Variants in TIMP2 observed in about 807,000 individuals in gnomAD.
TIMP2 encodes the protein TIMP metallopeptidase inhibitor 2, also known as metalloproteinase inhibitor 2.
TIMP2 carries 5 observed loss-of-function variants against 24.3 expected under a neutral mutation model. The ratio of observed to expected loss-of-function variants is 0.21; its 90% CI spans 0.11 to 0.43. The LOEUF (loss-of-function observed/expected upper bound fraction) is 0.43. TIMP2 is among the 20% of genes least tolerant of loss of function. The pLI is 1.00. For synonymous variants in TIMP2, 130 were observed against 123.2 expected (o/e 1.06, Z -0.37); for missense variants, 221 against 297.5 (o/e 0.74, Z 1.89).
chr17:78,858,380 T>C (rs1445237858), intron 3 of TIMP2, among the ~76,000 whole-genome samples: 1 of 151,628 alleles, frequency 6.6e-6, no homozygotes, highest in Non-Finnish European at 1.5e-5. Flanking sequence ...GAGGCGGAGG[T>C]TGCAGTGAGC....
Position 78,857,535 on chromosome 17 carries a change from C to T in TIMP2, c.452G>A (p.Gly151Asp). ...GGACCTGCTTACCTTGCACTCGCAG[C>T]CCATCTGGTACCTGTGGTTCAGGCT... is the stretch of plus-strand genomic sequence containing the variant. ...KKSLNHRYQM[G>D]CECKITRCPM... The change falls in exon 4 of 5, where the codon GGC becomes GAC. Residue 151 changes from glycine (G) to aspartate (D), a missense_variant. Gly to Asp is a moderately conservative substitution (Grantham distance 94, BLOSUM62 -1). Coordinates refer to ENST00000262768, the MANE Select transcript of TIMP2 (RefSeq NM_003255.5). The T allele has an allele frequency of 6.2e-7, 1 of 1,614,152 alleles. No homozygotes were observed. Among genetic ancestry groups the T allele is most frequent in the South Asian group, 1.1e-5 (1 of 91,078 alleles).
intron 3 of TIMP2, among the ~76,000 whole-genome samples, chr17:78,870,456 G>A (rs1011173308): frequency 6.7e-6 from 1 of 149,406 alleles, no homozygotes; most frequent in African/African-American, 2.5e-5. Flanking sequence ...AAAGAAAATG[G>A]TTAATTAACA....
chr17:78,869,158 C>G (rs927396505), intron 3 of TIMP2, among the ~76,000 whole-genome samples: 2 of 152,172 alleles, frequency 1.3e-5, no homozygotes, highest in East Asian at 1.9e-4. Context: ...CAGTGGCTCA[C>G]GCCTATAATC....
At chr17:78,915,398 G>A (rs1055123343) in intron 1 of TIMP2, among the ~76,000 whole-genome samples, 3 of 152,082 alleles carry the variant, frequency 2.0e-5, no homozygotes, top group Non-Finnish European at 2.9e-5. Context: ...GGCTCCATCC[G>A]TCACCTGTAG....
chr17:78,905,005 T>C (rs1238807582), intron 1 of TIMP2: 1 of 152,184 alleles, frequency 6.6e-6, no homozygotes, highest in Non-Finnish European at 1.5e-5. Flanking sequence ...CCGGGCGTGG[T>C]GGCGCACACC....
intron 1 of TIMP2, among the ~76,000 whole-genome samples, chr17:78,885,271 G>A (rs191864503): frequency 1.3e-5 from 2 of 152,354 alleles, no homozygotes; most frequent in Admixed American, 1.3e-4. Flanking sequence ...CACGGAATCT[G>A]TCCCCCAAGG....
Position 78,925,373 on chromosome 17 carries a change from A to G in TIMP2, c.-285T>C, listed in dbSNP as rs1303785414. ...GTTCTCGGCGGCCGCGCTGCCTTCTACGGATGTGTTTGCTGCGGGCTTGGG... is the reference window on the plus strand; with the variant it reads ...GTTCTCGGCGGCCGCGCTGCCTTCTGCGGATGTGTTTGCTGCGGGCTTGGG... On this transcript the variant is annotated 5_prime_UTR_variant, in exon 1 of 5. Coordinates refer to ENST00000262768, the MANE Select transcript of TIMP2 (RefSeq NM_003255.5). 2 of 151,980 alleles carry G rather than the reference A, an allele frequency of 1.3e-5. No individual in the cohort carries two copies. Among genetic ancestry groups the G allele is most frequent in the Non-Finnish European group, 3.0e-5 (2 of 67,618 alleles). 9.4% of individuals were successfully genotyped at this position (151,980 alleles called of 1,614,324 possible). A position where few individuals can be genotyped will look rare whatever the true frequency, so the allele number is the denominator to read the frequency against.
At chr17:78,857,758 C>A in intron 3 of TIMP2, 112 bp from the exon 4 acceptor site, 4 of 1,406,622 alleles carry the variant, frequency 2.8e-6, no homozygotes, top group Non-Finnish European at 3.9e-6. Context: ...ATCCTGTGCA[C>A]TGTCTATTCT....
chr17:78,855,085 GC>G lies in TIMP2; in HGVS notation c.*581del, dbSNP rs956221071. On this transcript the variant is annotated 3_prime_UTR_variant, in exon 5 of 5. Coordinates refer to ENST00000262768, the MANE Select transcript of TIMP2 (RefSeq NM_003255.5). The surrounding 1 kb of genome is among the most constrained non-coding windows in gnomAD (Gnocchi z 6.0). Reference sequence around the variant, plus strand: ...ATTGATGGGGCTCCTTCAAGAACTAGCCACTGGTTCCAGGCTGCCCTTGGAT... The same window carrying G: ...ATTGATGGGGCTCCTTCAAGAACTAGCACTGGTTCCAGGCTGCCCTTGGAT... 2 of 157,222 alleles carry G rather than the reference GC, an allele frequency of 1.3e-5. No individual in the cohort carries two copies. Among genetic ancestry groups the G allele is most frequent in the African/African-American group, 4.8e-5 (2 of 41,474 alleles). 9.7% of individuals were successfully genotyped at this position (157,222 alleles called of 1,614,324 possible). A position where few individuals can be genotyped will look rare whatever the true frequency, so the allele number is the denominator to read the frequency against.
In TIMP2 at chr17:78,853,046, G is replaced by A. The variant is rs562678952; in HGVS notation, c.*2621C>T. The A allele has an allele frequency of 2.2e-3, 340 of 152,722 alleles. 2 individuals are homozygous for A. The highest frequency in any genetic ancestry group is 3.1e-3 in the Non-Finnish European group (214 of 68,040). 9.5% of individuals were successfully genotyped at this position (152,722 alleles called of 1,614,324 possible). Reference sequence around the variant, plus strand: ...CTCAAGAATGATACAAAGCATCAGAGACATGCGCAGTCTGCTTGTCAACTT... The same window carrying A: ...CTCAAGAATGATACAAAGCATCAGAAACATGCGCAGTCTGCTTGTCAACTT... On this transcript the variant is annotated 3_prime_UTR_variant, in exon 5 of 5. Transcript: ENST00000262768.
At chr17:78,897,956 T>C (rs78714059) in intron 1 of TIMP2, 12,533 of 152,264 alleles carry the variant, frequency 0.082, 566 homozygotes, top group Middle Eastern at 0.11. Flanking sequence ...AAATCACAGC[T>C]GGCTCCATCA....
chr17:78,907,470 G>C (rs1037829370), intron 1 of TIMP2, among the ~76,000 whole-genome samples: 2 of 152,198 alleles, frequency 1.3e-5, no homozygotes, highest in Admixed American at 1.3e-4. Flanking sequence ...AGACAACATG[G>C]ATCAATTAAC....
intron 3 of TIMP2, among the ~76,000 whole-genome samples, chr17:78,863,392 G>A (rs570641042): frequency 2.0e-5 from 3 of 152,060 alleles, no homozygotes; most frequent in Admixed American, 6.6e-5. Flanking sequence ...GCAGGCGCCC[G>A]CCACCATGCC....
In TIMP2 at chr17:78,891,538, G is replaced by A. The variant is rs954934276; in HGVS notation, c.131-17619C>T. The A allele has an allele frequency of 1.2e-5, 18 of 1,550,872 alleles. No homozygotes were observed. The highest frequency in any genetic ancestry group is 2.7e-5 in the African/African-American group (2 of 73,020). ...GCGTGCACTGAGATGCTGGGGACAC[G>A]GCTTCCCTTCTGCAGCTGGAATCAG... On this transcript the variant is annotated intron_variant, in intron 1 of 4. Transcript: ENST00000262768. This position sits in a 1 kb window ranked among gnomAD's most constrained non-coding sequence, Gnocchi z 4.5.
At position 78,857,662 on chromosome 17, in the gene TIMP2, G is replaced by C; in HGVS notation, c.341-16C>G. On this transcript the variant is annotated splice_polypyrimidine_tract_variant and intron_variant, in intron 3 of 4. Transcript: ENST00000262768. The stretch of plus-strand genomic sequence containing the variant: ...TCGGCCTTTCCTGCGGAGAGACGGG[G>C]ATCACCGAGCTCAGGGAGAGGGAAA... 6.2e-7 allele frequency: 1 copy of C among 1,613,980 alleles called. No individual in the cohort carries two copies. Among genetic ancestry groups the C allele is most frequent in the East Asian group, 2.2e-5 (1 of 44,894 alleles).
At chr17:78,915,526 C>CT (rs11296863) in intron 1 of TIMP2, among the ~76,000 whole-genome samples, 25 of 147,086 alleles carry the variant, frequency 1.7e-4, no homozygotes, top group Admixed American at 6.1e-4. Context: ...TTTTTTTCTT[C>CT]TTTTTTTTTT....
chr17:78,890,757 C>G, intron 1 of TIMP2: 1 of 1,550,620 alleles, frequency 6.4e-7, no homozygotes, highest in Admixed American at 2.0e-5. Context: ...CTGTGCCGGT[C>G]GTCGTCGGCG....
At position 78,925,018 on chromosome 17, in the gene TIMP2, G is replaced by A. The variant is rs1428089507; in HGVS notation, c.71C>T (p.Ala24Val). The stretch of plus-strand genomic sequence containing the variant: ...CACCGGGGAGCAGCTGCAGGCGTCG[G>A]CCGGGCGAAGCAGCGTCGCCAGCAG... Reference protein sequence around the residue: ...LLLLATLLRPADACSCSPVHP... With the variant: ...LLLLATLLRPVDACSCSPVHP... The change falls in exon 1 of 5, where the codon GCC becomes GTC. Residue 24 changes from alanine to valine, a missense_variant. Physicochemically the swap from Ala to Val is moderately conservative, Grantham distance 64 (BLOSUM62 0). Coordinates refer to ENST00000262768, the MANE Select transcript of TIMP2 (RefSeq NM_003255.5). 1 of 1,278,276 alleles carries A rather than the reference G, an allele frequency of 7.8e-7. No homozygotes were observed. Among genetic ancestry groups the A allele is most frequent in the Non-Finnish European group, 1.0e-6 (1 of 1,002,964 alleles). 79.2% of individuals were successfully genotyped at this position (1,278,276 alleles called of 1,614,324 possible).
chr17:78,878,299 C>T (rs925204951), intron 1 of TIMP2, among the ~76,000 whole-genome samples: 4 of 152,212 alleles, frequency 2.6e-5, no homozygotes, highest in Non-Finnish European at 5.9e-5. Flanking sequence ...CACTGAGCCA[C>T]AGTTGTTCAC....
Sources: gnomAD v4.1 joint callset for allele counts (sites outside exome capture counted in the v4.1 genomes callset) on GRCh38, gnomAD v4.1.1 for gene constraint, Gnocchi (gnomAD v3.1) non-coding constraint, MANE v1.5 for transcripts, NCBI Gene and HGNC (gene_info 2026-07-23, HGNC 2026-07-21) for gene names.